SLC35F1: variants seen among roughly 807,000 people sequenced by gnomAD.
SLC35F1 encodes the protein solute carrier family 35 member F1.
In SLC35F1, 14 loss-of-function variants were observed where a neutral mutation model predicts 48.7. The observed-to-expected ratio is 0.29, with a 90% CI of 0.19 to 0.45. SLC35F1 has a LOEUF of 0.45. Ranked by LOEUF, SLC35F1 falls within the 20% of genes least tolerant of loss-of-function variation. The pLI is 1.00. For synonymous variants in SLC35F1, 190 were observed against 202.2 expected (o/e 0.94, Z 0.51); for missense variants, 404 against 500.0 (o/e 0.81, Z 1.83).
At chr6:118,297,921 C>T (rs181179371) in intron 7 of SLC35F1, among the ~76,000 whole-genome samples, 36 of 151,672 alleles carry the variant, frequency 2.4e-4, no homozygotes, top group African/African-American at 8.7e-4. Context: ...GGGCGGATTC[C>T]TCGTGAATGG....
intron 2 of SLC35F1, among the ~76,000 whole-genome samples, chr6:118,163,438 ACAC>A (rs1407800445): frequency 1.3e-5 from 2 of 151,970 alleles, no homozygotes; most frequent in African/African-American, 4.8e-5. Flanking sequence ...ACACACACAC[ACAC>A]ACACACACAC....
chr6:118,286,789 GTGTGTGTGTGTGTGTT>G (rs1776054933), intron 7 of SLC35F1, among the ~76,000 whole-genome samples: 2 of 135,542 alleles, frequency 1.5e-5, no homozygotes, highest in South Asian at 4.7e-4. Context: ...GTGTGTGTGT[GTGTGTGTGTGTGTGTT>G]TGTGTGTGTG....
intron 1 of SLC35F1, among the ~76,000 whole-genome samples, chr6:118,089,032 T>G (rs1773033615): frequency 6.6e-6 from 1 of 152,118 alleles, no homozygotes; most frequent in Non-Finnish European, 1.5e-5. Flanking sequence ...AAACCACATT[T>G]AAGAAGCTGT....
At chr6:118,267,826 TG>T (rs1038635298) in intron 4 of SLC35F1, among the ~76,000 whole-genome samples, 3 of 152,170 alleles carry the variant, frequency 2.0e-5, no homozygotes, top group Non-Finnish European at 4.4e-5. Flanking sequence ...GTGAATCTGC[TG>T]GGGGAGCCCT....
intron 1 of SLC35F1, among the ~76,000 whole-genome samples, chr6:118,127,630 C>T (rs566727506): frequency 1.0e-3 from 152 of 151,898 alleles, no homozygotes; most frequent in Non-Finnish European, 1.9e-3. Flanking sequence ...AAACTGGATC[C>T]CTTCCTTACA....
chr6:118,207,107 A>C (rs1774945849), intron 2 of SLC35F1, among the ~76,000 whole-genome samples: 1 of 152,228 alleles, frequency 6.6e-6, no homozygotes, highest in African/African-American at 2.4e-5. Context: ...AAACAGGTAA[A>C]GTAGGATAAA....
At chr6:118,211,930 A>G (rs1775005569) in intron 2 of SLC35F1, among the ~76,000 whole-genome samples, 1 of 152,228 alleles carries the variant, frequency 6.6e-6, no homozygotes, top group African/African-American at 2.4e-5. Context: ...CATGTGGTAG[A>G]CATTAAATAT....
chr6:118,299,992 C>T (rs1325183101), intron 7 of SLC35F1, among the ~76,000 whole-genome samples: 4 of 152,170 alleles, frequency 2.6e-5, no homozygotes, highest in Non-Finnish European at 5.9e-5. Flanking sequence ...AAATCATTTA[C>T]TGCAATATCC....
chr6:118,230,447 T>A (rs74384635), intron 2 of SLC35F1, among the ~76,000 whole-genome samples: 8,580 of 152,254 alleles, frequency 0.056, 361 homozygotes, highest in African/African-American at 0.11. Context: ...AATTGTGGCA[T>A]ACTCATAAAA....
chr6:118,278,993 C>T (rs1016626769), intron 6 of SLC35F1, among the ~76,000 whole-genome samples: 2 of 152,184 alleles, frequency 1.3e-5, no homozygotes, highest in Non-Finnish European at 2.9e-5. Context: ...CGTCAGTCCC[C>T]TATAGTTGAA....
chr6:118,267,176 A>C, intron 4 of SLC35F1, 22 bp downstream of exon 4: 1 of 1,613,534 alleles, frequency 6.2e-7, no homozygotes, highest in South Asian at 1.1e-5. Flanking sequence ...GATGTTCACC[A>C]GGTTCCTTAC....
chr6:118,285,108 C>T, intron 6 of SLC35F1, 76 bp from the exon 7 acceptor site: 1 of 1,529,918 alleles, frequency 6.5e-7, no homozygotes. Context: ...GCACTCTTCC[C>T]CTTCTTTCCT....
chr6:118,002,957 C>T (rs1274716181), intron 1 of SLC35F1, among the ~76,000 whole-genome samples: 1 of 152,146 alleles, frequency 6.6e-6, no homozygotes, highest in Non-Finnish European at 1.5e-5. Context: ...CACCTCTTTA[C>T]ACCTCCCTGT....
In SLC35F1 at chr6:118,314,258, G is replaced by A. The variant is rs756396121; in HGVS notation, c.*6G>A. 1.1e-5 allele frequency: 18 copies of A among 1,613,716 alleles called. No individual in the cohort carries two copies. Among genetic ancestry groups the A allele is most frequent in the Non-Finnish European group, 1.4e-5 (17 of 1,179,670 alleles). On this transcript the variant is annotated 3_prime_UTR_variant, in exon 8 of 8. Coordinates refer to ENST00000360388, the MANE Select transcript of SLC35F1 (RefSeq NM_001029858.4). ...CTCATGTTCGTGTGGCCTAGGGTGA[G>A]GCCCGCCCTGCCAACTGAGGCCAAC...
intron 1 of SLC35F1, among the ~76,000 whole-genome samples, chr6:118,091,153 C>T (rs1453970962): frequency 6.6e-6 from 1 of 152,168 alleles, no homozygotes; most frequent in African/African-American, 2.4e-5. Flanking sequence ...TTGAAACAGG[C>T]ATTCCAAACT....
chr6:118,119,511 CT>C (rs1243496744), intron 1 of SLC35F1, among the ~76,000 whole-genome samples: 17 of 115,292 alleles, frequency 1.5e-4, no homozygotes, highest in Admixed American at 3.8e-4. Context: ...CTCCACCCCG[CT>C]TTTTTTTTTG....
chr6:118,050,767 A>T (rs187766127), intron 1 of SLC35F1, among the ~76,000 whole-genome samples: 1 of 152,214 alleles, frequency 6.6e-6, no homozygotes, highest in African/African-American at 2.4e-5. Flanking sequence ...ATATTTAAGG[A>T]ACTTGACCTT....
intron 1 of SLC35F1, among the ~76,000 whole-genome samples, chr6:118,015,121 T>A (rs1777303160): frequency 6.6e-6 from 1 of 152,176 alleles, no homozygotes; most frequent in Non-Finnish European, 1.5e-5. Flanking sequence ...ACGTAAGACA[T>A]GCTTTTCGCC....
At chr6:117,994,721 G>T (rs1386836211) in intron 1 of SLC35F1, among the ~76,000 whole-genome samples, 9 of 152,158 alleles carry the variant, frequency 5.9e-5, no homozygotes. Context: ...AAATATTGTT[G>T]ACTGGTGGAA....
Sources: gnomAD v4.1 joint callset for allele counts (sites outside exome capture counted in the v4.1 genomes callset) on GRCh38, gnomAD v4.1.1 for gene constraint, MANE v1.5 for transcripts, NCBI Gene and HGNC (gene_info 2026-07-23, HGNC 2026-07-21) for gene names.